BLTP1: variants seen among roughly 807,000 people sequenced by gnomAD.
BLTP1 encodes bridge-like lipid transfer protein family member 1.
At chr4:122,292,444 G>A in the BLTP1 span, 13 of 835,872 alleles carry the variant, frequency 1.6e-5, no homozygotes, top group African/African-American at 1.8e-5. Flanking sequence ...GCTAAGCAAT[G>A]TAAAAATCTA....
At chr4:122,252,521 C>T in the BLTP1 span, among the ~76,000 whole-genome samples, 1 of 152,140 alleles carries the variant, frequency 6.6e-6, no homozygotes, top group African/African-American at 2.4e-5. Context: ...GACAGTACTC[C>T]CCATGGGCCT....
chr4:122,347,656 C>A, the BLTP1 span: 3 of 1,613,872 alleles, frequency 1.9e-6, no homozygotes, highest in Non-Finnish European at 2.5e-6. Flanking sequence ...GCCTCAGTCA[C>A]CTAATGTGTT....
chr4:122,175,912 A>G, the BLTP1 span: 4 of 1,398,550 alleles, frequency 2.9e-6, no homozygotes, highest in Admixed American at 1.7e-5. Context: ...CAGAAGCAAC[A>G]TGGTGAGTTT....
the BLTP1 span, among the ~76,000 whole-genome samples, chr4:122,270,640 T>A: frequency 7.2e-6 from 1 of 139,576 alleles, no homozygotes; most frequent in Non-Finnish European, 1.6e-5. Context: ...AGATACAGAT[T>A]GTAGGAGGGG....
chr4:122,224,210 T>G, the BLTP1 span: 1 of 514,016 alleles, frequency 1.9e-6, no homozygotes, highest in Non-Finnish European at 2.5e-6. Flanking sequence ...CTACTGTAGT[T>G]TCTTGTTATT....
the BLTP1 span, among the ~76,000 whole-genome samples, chr4:122,268,152 A>C: frequency 6.6e-6 from 1 of 152,208 alleles, no homozygotes; most frequent in Non-Finnish European, 1.5e-5. Context: ...AAACATTAAA[A>C]ATGTTCTTAC....
chr4:122,286,945 G>A, the BLTP1 span, among the ~76,000 whole-genome samples: 2 of 152,148 alleles, frequency 1.3e-5, no homozygotes, highest in Admixed American at 6.5e-5. Flanking sequence ...GTGTGTGGGT[G>A]TATGTGTGTT....
chr4:122,310,069 A>G, the BLTP1 span, among the ~76,000 whole-genome samples: 1 of 151,998 alleles, frequency 6.6e-6, no homozygotes, highest in Non-Finnish European at 1.5e-5. Flanking sequence ...AATAATAAAG[A>G]AAAATTATAA....
the BLTP1 span, chr4:122,270,355 C>T: frequency 9.8e-4 from 967 of 984,590 alleles, 4 homozygotes; most frequent in African/African-American, 0.015. Flanking sequence ...TACCTTTTTA[C>T]AGTTTTGGTG....
the BLTP1 span, chr4:122,331,534 T>G: frequency 2.5e-6 from 4 of 1,610,208 alleles, no homozygotes; most frequent in Non-Finnish European, 3.4e-6. Context: ...TGATATAAGT[T>G]TGAGAAGGTA....
the BLTP1 span, among the ~76,000 whole-genome samples, chr4:122,278,717 C>T: frequency 4.6e-3 from 702 of 152,268 alleles, 1 homozygote; most frequent in Non-Finnish European, 6.6e-3. Context: ...CTGCAATCTC[C>T]GTCTCCTGGG....
the BLTP1 span, chr4:122,324,492 T>G: frequency 6.2e-7 from 1 of 1,610,960 alleles, no homozygotes; most frequent in African/African-American, 1.3e-5. Context: ...CAAAAAGCAT[T>G]TCTGCTTCTG....
At chr4:122,272,408 A>C in the BLTP1 span, 1 of 1,607,564 alleles carries the variant, frequency 6.2e-7, no homozygotes, top group East Asian at 2.2e-5. Flanking sequence ...AATGAAAGGT[A>C]TGAATGATTT....
chr4:122,154,676 A>G, the BLTP1 span, among the ~76,000 whole-genome samples: 5 of 152,178 alleles, frequency 3.3e-5, no homozygotes. Context: ...GATCGAGACC[A>G]TCCTGGCTAA....
the BLTP1 span, among the ~76,000 whole-genome samples, chr4:122,153,590 TG>T: frequency 6.6e-6 from 1 of 152,198 alleles, no homozygotes; most frequent in Non-Finnish European, 1.5e-5. Flanking sequence ...TTAGTCAGTA[TG>T]CCATACCAAC....
At chr4:122,274,382 C>T in the BLTP1 span, 6 of 1,599,622 alleles carry the variant, frequency 3.8e-6, no homozygotes, top group Non-Finnish European at 5.1e-6. Context: ...TGTGCTACTG[C>T]TCATATTGGT....
At chr4:122,181,980 A>G in the BLTP1 span, among the ~76,000 whole-genome samples, 70 of 152,322 alleles carry the variant, frequency 4.6e-4, 3 homozygotes, top group Admixed American at 3.7e-3. Flanking sequence ...TAACATCGCT[A>G]TAAAATAGAG....
At chr4:122,155,774 T>C in the BLTP1 span, among the ~76,000 whole-genome samples, 2 of 152,166 alleles carry the variant, frequency 1.3e-5, no homozygotes, top group Admixed American at 6.5e-5. Context: ...GTTTAGGTGA[T>C]GAATTGGAGG....
chr4:122,191,250 T>C, the BLTP1 span, among the ~76,000 whole-genome samples: 1 of 152,146 alleles, frequency 6.6e-6, no homozygotes, highest in African/African-American at 2.4e-5. Context: ...TATGATTAAG[T>C]TGCAAGCTGC....
Sources: allele counts gnomAD v4.1 joint callset (sites outside exome capture counted in the v4.1 genomes callset), GRCh38; gene constraint gnomAD v4.1.1; transcripts MANE v1.5; gene names NCBI Gene and HGNC (gene_info 2026-07-23, HGNC 2026-07-21).